The following AXDND1 variants were observed in gnomAD, a reference collection of about 807,000 sequenced individuals.
AXDND1 encodes the protein axonemal dynein light chain domain containing 1, also known as axonemal dynein light chain domain-containing protein 1.
AXDND1 carries 110 observed loss-of-function variants against 137.5 expected under a neutral mutation model. The ratio of observed to expected loss-of-function variants is 0.80; its 90% CI spans 0.69 to 0.94. The LOEUF is 0.94. Ranked by LOEUF, AXDND1 falls within the 40% of genes least tolerant of loss-of-function variation. The pLI is 0.00. For synonymous variants in AXDND1, 414 were observed against 399.7 expected (o/e 1.04, Z -0.43); for missense variants, 1,191 against 1,169.8 (o/e 1.02, Z -0.26).
At chr1:179,414,216 T>C (rs908390993) in intron 12 of AXDND1, among the ~76,000 whole-genome samples, 3 of 151,824 alleles carry the variant, frequency 2.0e-5, no homozygotes, top group African/African-American at 7.2e-5. Context: ...CCCAACGTAT[T>C]ACCTATATAC....
At chr1:179,525,508 T>C in intron 22 of AXDND1, 61 bp downstream of exon 22, 4 of 1,480,880 alleles carry the variant, frequency 2.7e-6, no homozygotes, top group Admixed American at 2.2e-5. Flanking sequence ...TACATACATA[T>C]ATTTTAGAGA....
At chr1:179,447,282 T>TA (rs1170706616) in intron 16 of AXDND1, among the ~76,000 whole-genome samples, 1 of 152,222 alleles carries the variant, frequency 6.6e-6, no homozygotes, top group East Asian at 1.9e-4. Context: ...TCAAATTTTT[T>TA]AGGTTCCACA....
chr1:179,552,547 T>C, intron 25 of AXDND1: 1 of 1,356,352 alleles, frequency 7.4e-7, no homozygotes, highest in Non-Finnish European at 1.1e-6. Context: ...GGGGAAATGT[T>C]CTCCACGAGC....
At chr1:179,398,018 C>A (rs1439003083) in intron 11 of AXDND1, among the ~76,000 whole-genome samples, 2 of 152,144 alleles carry the variant, frequency 1.3e-5, no homozygotes, top group Non-Finnish European at 1.5e-5. Context: ...CAGTTCAGAA[C>A]CCTTGCTGGA....
intron 16 of AXDND1, among the ~76,000 whole-genome samples, chr1:179,459,755 CTTT>C (rs1211354076): frequency 6.0e-5 from 7 of 117,416 alleles, no homozygotes; most frequent in Non-Finnish European, 1.3e-4. Context: ...TCCTTCCTTT[CTTT>C]TCTTTTCTCT....
At chr1:179,536,061 A>G (rs924892681) in intron 25 of AXDND1, among the ~76,000 whole-genome samples, 2 of 151,966 alleles carry the variant, frequency 1.3e-5, no homozygotes, top group African/African-American at 2.4e-5. Context: ...CCACTTTTTG[A>G]TGGTGTTGTT....
Position 179,411,156 on chromosome 1 carries a change from GA to G in AXDND1, c.1122del (p.Glu374AspfsTer17). 3.8e-6 allele frequency: 6 copies of G among 1,575,302 alleles called. No individual in the cohort carries two copies. The highest frequency in any genetic ancestry group is 5.2e-6 in the Non-Finnish European group (6 of 1,160,690). On this transcript the variant is annotated frameshift_variant, in exon 12 of 26. Coordinates refer to ENST00000367618, the MANE Select transcript of AXDND1 (RefSeq NM_144696.6). LOFTEE classifies it high-confidence loss of function. ...NAEKNAKIVE[E>X]YHDLYTLQRE... ...TAATTGTTTTTATAGAATAGTAGAA[GA>G]ATATCATGACTTATATACATTACAA...
At chr1:179,473,433 G>A (rs533976584) in intron 17 of AXDND1, among the ~76,000 whole-genome samples, 1 of 152,224 alleles carries the variant, frequency 6.6e-6, no homozygotes, top group Non-Finnish European at 1.5e-5. Flanking sequence ...AAGAGGTGGA[G>A]TTTGCAGTGA....
At chr1:179,366,891 G>T (rs1324677385) in intron 2 of AXDND1, among the ~76,000 whole-genome samples, 1 of 151,640 alleles carries the variant, frequency 6.6e-6, no homozygotes, top group East Asian at 1.9e-4. Context: ...CGTATTTTTT[G>T]GTTCCTGGTC....
chr1:179,380,813 A>C (rs1420105553), intron 6 of AXDND1, among the ~76,000 whole-genome samples: 1 of 152,152 alleles, frequency 6.6e-6, no homozygotes, highest in Non-Finnish European at 1.5e-5. Context: ...AATTTCAGAC[A>C]TAAAAATGTT....
chr1:179,457,054 A>G (rs1365715516), intron 16 of AXDND1: 44 of 1,469,176 alleles, frequency 3.0e-5, no homozygotes, highest in South Asian at 3.4e-5. Context: ...GTCTTTGAGA[A>G]TCTTCTCTTG....
chr1:179,389,947 T>C (rs955238476), intron 9 of AXDND1, among the ~76,000 whole-genome samples: 1 of 152,130 alleles, frequency 6.6e-6, no homozygotes, highest in Admixed American at 6.5e-5. Context: ...GAATGAAAGA[T>C]TAAACGACCA....
intron 4 of AXDND1, among the ~76,000 whole-genome samples, chr1:179,375,170 C>T (rs548249871): frequency 6.6e-6 from 1 of 151,942 alleles, no homozygotes; most frequent in South Asian, 2.1e-4. Context: ...GTGATCTTGG[C>T]TCACTGCAAC....
intron 23 of AXDND1, among the ~76,000 whole-genome samples, chr1:179,528,686 G>T (rs901661466): frequency 7.2e-6 from 1 of 138,282 alleles, no homozygotes; most frequent in African/African-American, 2.7e-5. Context: ...CTGCCTCCCG[G>T]GTTCAAGCGA....
At chr1:179,520,215 G>A (rs1463920462) in intron 21 of AXDND1, among the ~76,000 whole-genome samples, 1 of 152,130 alleles carries the variant, frequency 6.6e-6, no homozygotes, top group Non-Finnish European at 1.5e-5. Flanking sequence ...GGATGCTAGT[G>A]ATTTTTGCAT....
In AXDND1 at chr1:179,554,531, C is replaced by T; in HGVS notation, c.*12C>T. ...ATACAGGTCACTGAATCCAAGGCAACCTGTGGAAAGAAGAATTCAGATGTC... is the reference window on the plus strand; with the variant it reads ...ATACAGGTCACTGAATCCAAGGCAATCTGTGGAAAGAAGAATTCAGATGTC... On this transcript the variant is annotated 3_prime_UTR_variant, in exon 26 of 26. Transcript: ENST00000367618. 1 of 1,614,138 alleles carries T rather than the reference C, an allele frequency of 6.2e-7. No homozygotes were observed. The highest frequency in any genetic ancestry group is 8.5e-7 in the Non-Finnish European group (1 of 1,180,010).
In AXDND1 at chr1:179,409,421, A is replaced by G. The variant is rs140077874; in HGVS notation, c.1110-1725A>G. Among the ~76,000 whole-genome samples, 776 of 152,254 alleles carry G rather than the reference A, an allele frequency of 5.1e-3. 8 individuals are homozygous for G. The highest frequency in any genetic ancestry group is 0.018 in the African/African-American group (752 of 41,558). Reference sequence around the variant, plus strand: ...TGCAAACAGGAACAATTTGACTTCTATCTTTCTAATTTGGATGCCCTTTAT... The same window carrying G: ...TGCAAACAGGAACAATTTGACTTCTGTCTTTCTAATTTGGATGCCCTTTAT... On this transcript the variant is annotated intron_variant, in intron 11 of 25. Coordinates refer to ENST00000367618, the MANE Select transcript of AXDND1 (RefSeq NM_144696.6).
Position 179,554,584 on chromosome 1 carries a change from C to T in AXDND1, c.*65C>T, listed in dbSNP as rs1213794407. On this transcript the variant is annotated 3_prime_UTR_variant, in exon 26 of 26. Coordinates refer to ENST00000367618, the MANE Select transcript of AXDND1 (RefSeq NM_144696.6). Reference sequence around the variant, plus strand: ...TGGGAGCCTCCAGGTGGGAGGAGAGCATGCCTAAACCCTGGTGGCCATTGT... The same window carrying T: ...TGGGAGCCTCCAGGTGGGAGGAGAGTATGCCTAAACCCTGGTGGCCATTGT... 6 of 1,611,840 alleles carry T rather than the reference C, an allele frequency of 3.7e-6. No homozygotes were observed. In the East Asian group the frequency reaches 1.3e-4, roughly 36 times the overall value.
intron 16 of AXDND1, among the ~76,000 whole-genome samples, chr1:179,458,107 A>G (rs1661684836): frequency 6.6e-6 from 1 of 151,152 alleles, no homozygotes; most frequent in African/African-American, 2.4e-5. Flanking sequence ...CTCCCACCTC[A>G]GCCTCTCAGG....
Sources: gnomAD v4.1 joint callset for allele counts (sites outside exome capture counted in the v4.1 genomes callset) on GRCh38, gnomAD v4.1.1 for gene constraint, MANE v1.5 for transcripts, NCBI Gene and HGNC (gene_info 2026-07-23, HGNC 2026-07-21) for gene names.